Variants in ALCAM observed in about 807,000 individuals in gnomAD.
ALCAM encodes activated leukocyte cell adhesion molecule.
In ALCAM, 30 loss-of-function variants were observed where a neutral mutation model predicts 70.9. That is an observed-to-expected ratio of 0.42 (90% CI 0.32 to 0.57). ALCAM has a LOEUF of 0.57. Ranked by LOEUF, ALCAM falls within the 20% of genes least tolerant of loss-of-function variation. The pLI, the probability that ALCAM is intolerant of heterozygous loss-of-function variation, is 0.11. For synonymous variants in ALCAM, 249 were observed against 242.5 expected, an observed-to-expected ratio of 1.03 and a Z score of -0.25; for missense variants, 591 against 695.1, an observed-to-expected ratio of 0.85 and a Z score of 1.68.
At chr3:105,494,767 C>A (rs1035756053) in intron 1 of ALCAM, among the ~76,000 whole-genome samples, 1 of 152,050 alleles carries the variant, frequency 6.6e-6, no homozygotes, top group Non-Finnish European at 1.5e-5. Flanking sequence ...TCAAGTGATC[C>A]CCCCACCTCA....
intron 1 of ALCAM, among the ~76,000 whole-genome samples, chr3:105,468,232 C>T (rs191614617): frequency 5.9e-5 from 9 of 151,340 alleles, no homozygotes; most frequent in South Asian, 2.1e-4. Context: ...GGCACTACTA[C>T]GAACCAAGAT....
rs144194333 is a variant in ALCAM, at chr3:105,393,387, C to T, written c.73+25906C>T. On this transcript the variant is annotated intron_variant, in intron 1 of 15. Coordinates refer to ENST00000306107, the MANE Select transcript of ALCAM (RefSeq NM_001627.4). ...AGAAATAAATTTATACATGTTATGG[C>T]GAGCAAGTATGAGAAGAAAACATAC... is the stretch of plus-strand genomic sequence containing the variant. Among the ~76,000 whole-genome samples, 150 of 151,580 alleles carry T rather than the reference C, an allele frequency of 9.9e-4. 2 individuals are homozygous for T. Among genetic ancestry groups the T allele is most frequent in the African/African-American group, 3.0e-3 (123 of 41,354 alleles).
chr3:105,489,304 A>C (rs1938518279), intron 1 of ALCAM, among the ~76,000 whole-genome samples: 1 of 152,214 alleles, frequency 6.6e-6, no homozygotes, highest in South Asian at 2.1e-4. Flanking sequence ...AACAAGCTCC[A>C]ATTTTATATC....
At chr3:105,434,992 C>T (rs953739455) in intron 1 of ALCAM, among the ~76,000 whole-genome samples, 1 of 152,100 alleles carries the variant, frequency 6.6e-6, no homozygotes, top group Non-Finnish European at 1.5e-5. Context: ...TAAGTAAAAT[C>T]ATTGTTTGGC....
chr3:105,504,232 AG>A (rs1160861661), intron 1 of ALCAM, among the ~76,000 whole-genome samples: 62 of 152,284 alleles, frequency 4.1e-4, no homozygotes, highest in African/African-American at 1.5e-3. Flanking sequence ...GTTATGGGGC[AG>A]GTTATGGAGC....
intron 1 of ALCAM, among the ~76,000 whole-genome samples, chr3:105,450,087 T>C (rs189150475): frequency 1.3e-5 from 2 of 152,296 alleles, no homozygotes; most frequent in East Asian, 3.9e-4. Context: ...TCTTCCATAA[T>C]GTTATTAATA....
Position 105,520,769 on chromosome 3 carries a change from G to C in ALCAM, c.174+602G>C, listed in dbSNP as rs191817606. 1.7e-3 allele frequency among the ~76,000 whole-genome samples: 259 copies of C among 152,274 alleles called. 1 individual carries two copies. The highest frequency in any genetic ancestry group is 5.9e-3 in the African/African-American group (245 of 41,534). ...AATGGAGGGTAGAGATCCTGGTAGGGAGATGTGGAATGGCTATGTAACTTT... is the reference window on the plus strand; with the variant it reads ...AATGGAGGGTAGAGATCCTGGTAGGCAGATGTGGAATGGCTATGTAACTTT... On this transcript the variant is annotated intron_variant, in intron 2 of 15. Coordinates refer to ENST00000306107, the MANE Select transcript of ALCAM (RefSeq NM_001627.4).
At chr3:105,439,283 C>T (rs937101959) in intron 1 of ALCAM, 6 of 152,116 alleles carry the variant, frequency 3.9e-5, no homozygotes, top group Admixed American at 6.5e-5. Flanking sequence ...TAGACCTATA[C>T]TGAGTGCAAA....
intron 2 of ALCAM, among the ~76,000 whole-genome samples, chr3:105,520,581 G>A (rs1239104053): frequency 1.3e-5 from 2 of 152,116 alleles, no homozygotes; most frequent in Non-Finnish European, 2.9e-5. Flanking sequence ...ACAGTCTTTC[G>A]GAATTAATCA....
At chr3:105,388,499 G>T (rs982212246) in intron 1 of ALCAM, among the ~76,000 whole-genome samples, 32 of 151,514 alleles carry the variant, frequency 2.1e-4, no homozygotes, top group Non-Finnish European at 4.0e-4. Context: ...GAGATGTTCT[G>T]CTGTCTCTTT....
intron 1 of ALCAM, among the ~76,000 whole-genome samples, chr3:105,503,048 G>A (rs886464833): frequency 2.0e-5 from 3 of 152,204 alleles, no homozygotes; most frequent in African/African-American, 7.2e-5. Flanking sequence ...ACAAACAACA[G>A]TATTTCTTTA....
intron 1 of ALCAM, among the ~76,000 whole-genome samples, chr3:105,513,855 G>A (rs1005696452): frequency 6.6e-6 from 1 of 151,810 alleles, no homozygotes; most frequent in Non-Finnish European, 1.5e-5. Flanking sequence ...TATGAATTTG[G>A]GAAAACTGCC....
intron 2 of ALCAM, among the ~76,000 whole-genome samples, chr3:105,523,097 G>A (rs1269741535): frequency 1.5e-5 from 2 of 130,744 alleles, no homozygotes; most frequent in Non-Finnish European, 3.1e-5. Flanking sequence ...CCGAAGTTGT[G>A]CCACTGCACT....
chr3:105,442,820 T>C (rs967838568), intron 1 of ALCAM, among the ~76,000 whole-genome samples: 1 of 152,000 alleles, frequency 6.6e-6, no homozygotes, highest in Non-Finnish European at 1.5e-5. Context: ...TTAATAAAAC[T>C]GATTCCTTCA....
At chr3:105,519,820 A>T (rs1397883892) in intron 1 of ALCAM, among the ~76,000 whole-genome samples, 1 of 152,142 alleles carries the variant, frequency 6.6e-6, no homozygotes, top group Non-Finnish European at 1.5e-5. Context: ...AAAATTGGAG[A>T]TCTGCAAATT....
chr3:105,538,452 A>G (rs938498181), intron 6 of ALCAM, among the ~76,000 whole-genome samples: 25 of 152,176 alleles, frequency 1.6e-4, no homozygotes, highest in Admixed American at 6.5e-4. Context: ...GTTAGTGGAC[A>G]TGCAGAGAGT....
intron 1 of ALCAM, among the ~76,000 whole-genome samples, chr3:105,491,133 G>C (rs1325757043): frequency 6.6e-6 from 1 of 152,114 alleles, no homozygotes; most frequent in Non-Finnish European, 1.5e-5. Flanking sequence ...AGCTTCCAAG[G>C]CTTGCACCTT....
chr3:105,563,040 A>T (rs1183013507), intron 14 of ALCAM, among the ~76,000 whole-genome samples: 1 of 152,116 alleles, frequency 6.6e-6, no homozygotes, highest in Non-Finnish European at 1.5e-5. Context: ...TTCCAACCTC[A>T]GGTGATCCGC....
At chr3:105,559,251 T>G (rs895511376) in intron 14 of ALCAM, among the ~76,000 whole-genome samples, 41 of 147,976 alleles carry the variant, frequency 2.8e-4, no homozygotes, top group African/African-American at 9.8e-4. Flanking sequence ...GTATAACATA[T>G]ATATACATAT....
Sources: gnomAD v4.1 joint callset for allele counts (sites outside exome capture counted in the v4.1 genomes callset) on GRCh38, gnomAD v4.1.1 for gene constraint, MANE v1.5 for transcripts, NCBI Gene and HGNC (gene_info 2026-07-23, HGNC 2026-07-21) for gene names.